The following GRB14 variants were observed in gnomAD, a reference collection of about 807,000 sequenced individuals.
GRB14 encodes the protein growth factor receptor-bound protein 14.
Under a neutral mutation model 69.1 loss-of-function variants are expected in GRB14, and 38 were observed. The ratio of observed to expected loss-of-function variants is 0.55; its 90% confidence interval spans 0.42 to 0.72. The LOEUF is 0.72. Ranked by LOEUF, GRB14 falls within the 30% of genes least tolerant of loss-of-function variation. GRB14 has a pLI of 0.00. For missense variants in GRB14, 666 were observed against 666.1 expected, an observed-to-expected ratio of 1.00 and a Z score of 0.00; for synonymous variants, 247 against 241.3, an observed-to-expected ratio of 1.02 and a Z score of -0.22.
Position 164,621,276 on chromosome 2 carries a change from C to A in GRB14, c.34G>T (p.Ala12Ser), listed in dbSNP as rs2105368179. The A allele has an allele frequency of 2.3e-6, 3 of 1,284,344 alleles. No individual in the cohort carries two copies. Among genetic ancestry groups the A allele is most frequent in the Non-Finnish European group, 3.0e-6 (3 of 1,015,266 alleles). 79.6% of individuals were successfully genotyped at this position (1,284,344 alleles called of 1,614,324 possible). A position where few individuals can be genotyped will look rare whatever the true frequency, so the allele number is the denominator to read the frequency against. Residue 12 changes from alanine to serine, a missense_variant, in exon 1 of 14, where the codon GCG becomes TCG. Ala to Ser is a moderately conservative substitution (Grantham distance 99). Transcript: ENST00000263915. This position sits in a 1 kb window ranked among gnomAD's most constrained non-coding sequence, Gnocchi z 6.0. The part of the protein sequence containing the change: ...TTSLQDGQSA[A>S]SRAAARDSPL... ...GAATCCCGGGCAGCCGCCCTGCTCGCGGCGCTCTGCCCATCTTGCAGGGAA... is the reference window on the plus strand; with the variant it reads ...GAATCCCGGGCAGCCGCCCTGCTCGAGGCGCTCTGCCCATCTTGCAGGGAA...
At chr2:164,598,281 A>G (rs1394338892) in intron 2 of GRB14, among the ~76,000 whole-genome samples, 2 of 152,214 alleles carry the variant, frequency 1.3e-5, no homozygotes, top group South Asian at 2.1e-4. Context: ...AACTTCAAGT[A>G]CTATACTTTA....
At chr2:164,517,800 C>T (rs1452301393) in intron 6 of GRB14, among the ~76,000 whole-genome samples, 1 of 152,032 alleles carries the variant, frequency 6.6e-6, no homozygotes, top group Non-Finnish European at 1.5e-5. Flanking sequence ...AGGAAATTGT[C>T]CAGTAGGAAA....
chr2:164,522,166 G>A, intron 5 of GRB14, 49 bp from the exon 6 acceptor site: 1 of 1,059,170 alleles, frequency 9.4e-7, no homozygotes, highest in Non-Finnish European at 1.4e-6. Context: ...TCAATGATAT[G>A]GTAGCCTTAT....
At chr2:164,620,988 G>GGATT (rs1690444116) in intron 1 of GRB14, 131 bp downstream of exon 1, 1 of 714,852 alleles carries the variant, frequency 1.4e-6, no homozygotes, top group East Asian at 3.4e-5. Context: ...AGCTCAAAGG[G>GGATT]GATTGTCTTC....
chr2:164,617,962 G>T (rs868597810), intron 2 of GRB14, among the ~76,000 whole-genome samples: 19,003 of 118,026 alleles, frequency 0.16, 2,609 homozygotes, highest in African/African-American at 0.37. Context: ...TTTTTTTTGG[G>T]GGGGGGGGGG....
Position 164,492,958 on chromosome 2 carries a change from T to C in GRB14, c.*78A>G. On this transcript the variant is annotated 3_prime_UTR_variant, in exon 14 of 14. Coordinates refer to ENST00000263915, the MANE Select transcript of GRB14 (RefSeq NM_004490.3). The stretch of plus-strand genomic sequence containing the variant: ...ACATTCTTTTCACATGGTAATGTTT[T>C]CGCCCTTATTTATGGTCTTTTATTA... 1.5e-6 allele frequency: 2 copies of C among 1,325,738 alleles called. No homozygotes were observed. The highest frequency in any genetic ancestry group is 2.1e-6 in the Non-Finnish European group (2 of 971,032). 82.1% of individuals were successfully genotyped at this position (1,325,738 alleles called of 1,614,324 possible).
At chr2:164,610,579 AAT>A (rs1416773659) in intron 2 of GRB14, among the ~76,000 whole-genome samples, 1 of 152,058 alleles carries the variant, frequency 6.6e-6, no homozygotes, top group Admixed American at 6.6e-5. Flanking sequence ...TATTTTGGTA[AAT>A]AGAGTCTGTT....
rs911548737 is a variant in GRB14 at position 164,568,468 on chromosome 2, A to G, written c.325-20652T>C. ...TTACTCCTTGGGAATCTCAGGGCTC[A>G]GTGCAATGAAACAACTAGGAAAGTA... On this transcript the variant is annotated intron_variant, in intron 2 of 13. Coordinates refer to ENST00000263915, the MANE Select transcript of GRB14 (RefSeq NM_004490.3). 97 of 1,175,708 alleles carry G rather than the reference A, an allele frequency of 8.3e-5. No homozygotes were observed. In the East Asian group the frequency reaches 4.4e-3, roughly 54 times the overall value. 72.8% of individuals were successfully genotyped at this position (1,175,708 alleles called of 1,614,324 possible).
intron 2 of GRB14, among the ~76,000 whole-genome samples, chr2:164,593,333 A>G (rs912325658): frequency 2.6e-5 from 4 of 152,208 alleles, no homozygotes; most frequent in African/African-American, 9.6e-5. Context: ...AAAATCAAGT[A>G]AATAAATGAA....
intron 2 of GRB14, among the ~76,000 whole-genome samples, chr2:164,570,129 G>A (rs766224120): frequency 4.6e-5 from 7 of 151,688 alleles, no homozygotes; most frequent in Non-Finnish European, 8.8e-5. Context: ...CAAAAAATTA[G>A]CCAGGCATGG....
At chr2:164,574,509 T>A (rs1030654328) in intron 2 of GRB14, among the ~76,000 whole-genome samples, 2 of 152,128 alleles carry the variant, frequency 1.3e-5, no homozygotes, top group Non-Finnish European at 2.9e-5. Context: ...GTGCTGGGAT[T>A]ACAGATGTGA....
chr2:164,613,776 T>A (rs7607610), intron 2 of GRB14, among the ~76,000 whole-genome samples: 3,591 of 152,258 alleles, frequency 0.024, 150 homozygotes, highest in African/African-American at 0.081. Flanking sequence ...GCTGGTTCAT[T>A]TGAGGCTCTG....
chr2:164,505,077 T>G (rs556012901), intron 8 of GRB14, among the ~76,000 whole-genome samples: 13 of 152,192 alleles, frequency 8.5e-5, no homozygotes, highest in Admixed American at 2.6e-4. Flanking sequence ...CTTGACTTAA[T>G]CCAGTAAGAC....
chr2:164,566,412 T>C (rs1688975505), intron 2 of GRB14, among the ~76,000 whole-genome samples: 1 of 152,090 alleles, frequency 6.6e-6, no homozygotes. Flanking sequence ...CACCAAAATA[T>C]GTGCACTCAC....
At chr2:164,531,835 G>C (rs1374823125) in intron 3 of GRB14, among the ~76,000 whole-genome samples, 1 of 152,134 alleles carries the variant, frequency 6.6e-6, no homozygotes, top group Non-Finnish European at 1.5e-5. Context: ...TCAAATCAGA[G>C]CATAGACTTA....
At chr2:164,568,361 C>G in intron 2 of GRB14, 1 of 1,288,580 alleles carries the variant, frequency 7.8e-7, no homozygotes, top group Non-Finnish European at 1.0e-6. Context: ...AGTGACTCTT[C>G]TTGCACTCAA....
chr2:164,495,240 C>T (rs187345658), intron 12 of GRB14, among the ~76,000 whole-genome samples: 176 of 152,202 alleles, frequency 1.2e-3, no homozygotes, highest in African/African-American at 4.2e-3. Context: ...CCACGCCTGG[C>T]CTGAAATTTT....
intron 2 of GRB14, among the ~76,000 whole-genome samples, chr2:164,609,861 G>A (rs532030841): frequency 6.6e-6 from 1 of 152,240 alleles, no homozygotes; most frequent in Non-Finnish European, 1.5e-5. Flanking sequence ...TCATCTATCT[G>A]AATTCAAAAT....
intron 2 of GRB14, among the ~76,000 whole-genome samples, chr2:164,607,700 C>T (rs1186050946): frequency 6.6e-6 from 1 of 152,178 alleles, no homozygotes; most frequent in Non-Finnish European, 1.5e-5. Flanking sequence ...TTCATTTTAT[C>T]AATTTCTGGA....
Sources: allele counts gnomAD v4.1 joint callset (sites outside exome capture counted in the v4.1 genomes callset), GRCh38; gene constraint gnomAD v4.1.1; non-coding constraint Gnocchi (gnomAD v3.1); transcripts MANE v1.5; gene names NCBI Gene and HGNC (gene_info 2026-07-23, HGNC 2026-07-21).